The following E2F5 variants were observed in gnomAD, a reference collection of about 807,000 sequenced individuals.
E2F5 encodes transcription factor E2F5.
In E2F5, 23 loss-of-function variants were observed where a neutral mutation model predicts 39.1. The ratio of observed to expected loss-of-function variants is 0.59; its 90% confidence interval spans 0.42 to 0.83. The LOEUF (loss-of-function observed/expected upper bound fraction) is 0.83. Among genes scored for constraint, E2F5 ranks in the 40% least tolerant of loss-of-function variants. The pLI is 0.00. For missense variants in E2F5, 365 were observed against 406.7 expected (o/e 0.90, Z 0.88); for synonymous variants, 145 against 157.8 (o/e 0.92, Z 0.61).
chr8:85,180,815 G>A (rs1812196861), intron 1 of E2F5, among the ~76,000 whole-genome samples: 2 of 151,082 alleles, frequency 1.3e-5, no homozygotes, highest in African/African-American at 2.4e-5. Flanking sequence ...TTCTGACCTC[G>A]TGATCCGCCC....
At chr8:85,206,368 T>A in intron 4 of E2F5, 148 bp downstream of exon 4, 1 of 724,698 alleles carries the variant, frequency 1.4e-6, no homozygotes, top group Non-Finnish European at 2.3e-6. Flanking sequence ...ATTGATAGAC[T>A]GCTTTTGTTT....
At chr8:85,207,314 C>A in intron 4 of E2F5, 111 bp from the exon 5 acceptor site, 2 of 790,206 alleles carry the variant, frequency 2.5e-6, no homozygotes, top group Non-Finnish European at 4.0e-6. Context: ...AGCTCAAGGT[C>A]ACCTAGTTTG....
intron 1 of E2F5, among the ~76,000 whole-genome samples, chr8:85,191,900 A>G (rs1018489655): frequency 1.3e-5 from 2 of 152,224 alleles, no homozygotes; most frequent in Non-Finnish European, 2.9e-5. Context: ...ATTCCTAGTC[A>G]GCAAGACAGT....
Position 85,177,390 on chromosome 8 carries a change from G to T in E2F5, c.-31G>T, listed in dbSNP as rs1416119213. On this transcript the variant is annotated 5_prime_UTR_variant, in exon 1 of 8. Transcript: ENST00000416274. ...GCGGGGCCGGCGAGCGAAAGTGCGC[G>T]GGGGCCCGACCACCGCGGGGCCGGG... is the stretch of plus-strand genomic sequence containing the variant. 2.0e-6 allele frequency: 2 copies of T among 987,088 alleles called. No individual in the cohort carries two copies. The highest frequency in any genetic ancestry group is 2.4e-6 in the Non-Finnish European group (2 of 832,036). The allele number at this position is 987,088 out of a possible 1,614,324, so 61.1% of individuals were successfully genotyped here.
At chr8:85,212,314 A>G (rs1477348740) in intron 7 of E2F5, 110 bp downstream of exon 7, 9 of 748,748 alleles carry the variant, frequency 1.2e-5, no homozygotes, top group South Asian at 9.2e-5. Flanking sequence ...CTGCTTTACT[A>G]TGAAGATTCA....
At chr8:85,189,472 C>A (rs569561896) in intron 1 of E2F5, among the ~76,000 whole-genome samples, 1 of 152,060 alleles carries the variant, frequency 6.6e-6, no homozygotes, top group Non-Finnish European at 1.5e-5. Context: ...CAGGCTCAAG[C>A]GAGTCTCCTG....
At chr8:85,184,575 G>T (rs1300920637) in intron 1 of E2F5, among the ~76,000 whole-genome samples, 5 of 152,106 alleles carry the variant, frequency 3.3e-5, no homozygotes, top group Non-Finnish European at 5.9e-5. Flanking sequence ...GAAGTCAAAT[G>T]GCCTCTGTTT....
At chr8:85,190,534 C>T (rs1474872537) in intron 1 of E2F5, among the ~76,000 whole-genome samples, 9 of 110,376 alleles carry the variant, frequency 8.2e-5, no homozygotes, top group East Asian at 8.1e-4. Flanking sequence ...GATGGAGTCT[C>T]GCTCTGTCAC....
At chr8:85,180,481 T>G (rs1812180328) in intron 1 of E2F5, among the ~76,000 whole-genome samples, 2 of 139,922 alleles carry the variant, frequency 1.4e-5, no homozygotes, top group Non-Finnish European at 3.1e-5. Flanking sequence ...GTTATACACT[T>G]GACTTTTAAA....
Position 85,207,483 on chromosome 8 carries a change from A to G in E2F5, c.609A>G (p.Pro203=). 6.4e-7 allele frequency: 1 copy of G among 1,558,196 alleles called. No individual in the cohort carries two copies. Among genetic ancestry groups the G allele is most frequent in the South Asian group, 1.2e-5 (1 of 84,460 alleles). The change falls in exon 5 of 8, where the codon CCA becomes CCG. Residue 203 remains proline, a synonymous_variant. Transcript: ENST00000416274. ...PSGTQLEVPI[P]EMGQNGQKKY... ...GTACACAACTGGAGGTACCCATTCC[A>G]GAAATGGTATGTAGGATAACTTATG...
intron 1 of E2F5, among the ~76,000 whole-genome samples, chr8:85,183,042 G>C (rs568833615): frequency 6.6e-6 from 1 of 152,152 alleles, no homozygotes; most frequent in Non-Finnish European, 1.5e-5. Flanking sequence ...ACGAGGTCGG[G>C]AGATTGAGAC....
Position 85,207,449 on chromosome 8 carries a change from C to T in E2F5, c.575C>T (p.Ala192Val). The change falls in exon 5 of 8, where the codon GCA becomes GTA. Residue 192 changes from alanine to valine, a missense_variant. Physicochemically the swap from Ala to Val is moderately conservative, Grantham distance 64. Transcript: ENST00000416274. The part of the protein sequence containing the change: ...FNGDTLLAIQ[A>V]PSGTQLEVPI... Reference sequence around the variant, plus strand: ...GGTGATACACTTTTGGCCATTCAGGCACCTTCTGGTACACAACTGGAGGTA... The same window carrying T: ...GGTGATACACTTTTGGCCATTCAGGTACCTTCTGGTACACAACTGGAGGTA... 5 of 1,561,766 alleles carry T rather than the reference C, an allele frequency of 3.2e-6. No individual in the cohort carries two copies. Among genetic ancestry groups the T allele is most frequent in the Non-Finnish European group, 4.3e-6 (5 of 1,151,724 alleles).
intron 1 of E2F5, 129 bp downstream of exon 1, chr8:85,177,783 C>T (rs1812117725): frequency 8.7e-7 from 1 of 1,146,820 alleles, no homozygotes. Flanking sequence ...ACCGGGCAAT[C>T]CGAGGACCAT....
intron 1 of E2F5, among the ~76,000 whole-genome samples, chr8:85,200,802 G>A (rs578145960): frequency 6.6e-6 from 1 of 152,298 alleles, no homozygotes; most frequent in East Asian, 1.9e-4. Flanking sequence ...TAAGTACAAG[G>A]GAAGAAGGTA....
At chr8:85,209,594 T>C (rs1429613754) in intron 6 of E2F5, among the ~76,000 whole-genome samples, 185 bp downstream of exon 6, 1 of 152,232 alleles carries the variant, frequency 6.6e-6, no homozygotes, top group Non-Finnish European at 1.5e-5. Flanking sequence ...TTCATTTGTT[T>C]CATACACACC....
At chr8:85,187,155 A>G (rs1177871426) in intron 1 of E2F5, among the ~76,000 whole-genome samples, 2 of 151,746 alleles carry the variant, frequency 1.3e-5, no homozygotes, top group African/African-American at 2.4e-5. Flanking sequence ...CTTGTTAATG[A>G]TTTTGTCAGA....
At chr8:85,213,523 A>G (rs993927605) in intron 7 of E2F5, 25 of 229,164 alleles carry the variant, frequency 1.1e-4, no homozygotes, top group Non-Finnish European at 1.9e-4. Flanking sequence ...AGCCTGGACG[A>G]AACAGGGAGA....
chr8:85,212,199 C>A lies in E2F5; in HGVS notation c.926C>A (p.Ser309Tyr). The A allele has an allele frequency of 6.2e-7, 1 of 1,608,378 alleles. No individual in the cohort carries two copies. The highest frequency in any genetic ancestry group is 8.5e-7 in the Non-Finnish European group (1 of 1,176,420). Residue 309 changes from serine to tyrosine, a missense_variant, in exon 7 of 8, where the codon TCT (serine) becomes TAT (tyrosine). Transcript: ENST00000416274. ...SGDIIDELMSSDVFPLLRLSP... is the reference protein window; with the variant it reads ...SGDIIDELMSYDVFPLLRLSP... ...GATATCATTGATGAGTTAATGTCTT[C>A]TGACGGTAAGTAGGTTAAAATTTTA...
Position 85,177,344 on chromosome 8 carries a change from C to T in E2F5, c.-77C>T. 1 of 975,200 alleles carries T rather than the reference C, an allele frequency of 1.0e-6. No homozygotes were observed. The highest frequency in any genetic ancestry group is 1.2e-6 in the Non-Finnish European group (1 of 820,692). The allele number at this position is 975,200 out of a possible 1,614,324, so 60.4% of individuals were successfully genotyped here. On this transcript the variant is annotated 5_prime_UTR_variant, in exon 1 of 8. Transcript: ENST00000416274. ...GGCGGGGAAGCGGCCGCAGCGGAGC[C>T]GACCCGGCAGGTGGCCGCGGGCGGG...
Sources: allele counts gnomAD v4.1 joint callset (sites outside exome capture counted in the v4.1 genomes callset), GRCh38; gene constraint gnomAD v4.1.1; transcripts MANE v1.5; gene names NCBI Gene and HGNC (gene_info 2026-07-23, HGNC 2026-07-21).